Variants in PPFIA1 observed in about 807,000 individuals in gnomAD.
The protein encoded by PPFIA1 is PPFI scaffold protein A1.
In PPFIA1, 25 loss-of-function variants were observed where a neutral mutation model predicts 149.9. The observed-to-expected ratio is 0.17, with a 90% CI of 0.12 to 0.23. The LOEUF is 0.23. PPFIA1 is among the 10% of genes least tolerant of loss of function. PPFIA1 has a pLI of 1.00. For synonymous variants in PPFIA1, 549 were observed against 552.8 expected, an observed-to-expected ratio of 0.99 and a Z score of 0.10; for missense variants, 1,362 against 1,506.5, an observed-to-expected ratio of 0.90 and a Z score of 1.59.
intron 12 of PPFIA1, among the ~76,000 whole-genome samples, chr11:70,337,679 T>G (rs905186048): frequency 6.6e-6 from 1 of 152,260 alleles, no homozygotes; most frequent in Non-Finnish European, 1.5e-5. Context: ...AATATTAGCA[T>G]CAATGACAGT....
chr11:70,327,189 G>A (rs2054350374), intron 7 of PPFIA1: 1 of 208,872 alleles, frequency 4.8e-6, no homozygotes, highest in Admixed American at 5.4e-5. Flanking sequence ...CTTATGTTCA[G>A]ATTGCCTTCT....
intron 19 of PPFIA1, among the ~76,000 whole-genome samples, chr11:70,358,856 G>A (rs548771386): frequency 3.0e-4 from 46 of 152,306 alleles, no homozygotes; most frequent in African/African-American, 9.4e-4. Flanking sequence ...AGAGCCATTC[G>A]TCAGCTTTGA....
chr11:70,368,952 CTT>C (rs35915106), intron 21 of PPFIA1, among the ~76,000 whole-genome samples: 3,257 of 138,276 alleles, frequency 0.024, 46 homozygotes, highest in African/African-American at 0.043. Flanking sequence ...CACAGTCAGT[CTT>C]TTTTTTTTTT....
chr11:70,335,557 C>CT lies in PPFIA1; in HGVS notation c.1297-3dup. On this transcript the variant is annotated splice_region_variant and splice_polypyrimidine_tract_variant and intron_variant, in intron 10 of 27. Transcript: ENST00000253925. Reference sequence around the variant, plus strand: ...GGTTTATAAGACTTTGTTTCTCCTGCTTTAGGCAAGGCAAAGAGAAAAAAT... The same window carrying CT: ...GGTTTATAAGACTTTGTTTCTCCTGCTTTTAGGCAAGGCAAAGAGAAAAAAT... 6.2e-7 allele frequency: 1 copy of CT among 1,613,200 alleles called. No homozygotes were observed. Among genetic ancestry groups the CT allele is most frequent in the East Asian group, 2.2e-5 (1 of 44,878 alleles).
intron 2 of PPFIA1, among the ~76,000 whole-genome samples, chr11:70,305,792 C>T (rs554877228): frequency 2.6e-5 from 4 of 152,266 alleles, no homozygotes; most frequent in South Asian, 2.1e-4. Flanking sequence ...GGGAGGTTCT[C>T]ACTCAAAATT....
chr11:70,328,708 C>T (rs1045514253), intron 7 of PPFIA1, among the ~76,000 whole-genome samples: 2 of 152,118 alleles, frequency 1.3e-5, no homozygotes, highest in African/African-American at 2.4e-5. Flanking sequence ...GGAAAACATT[C>T]CTTTTTCTCC....
intron 2 of PPFIA1, among the ~76,000 whole-genome samples, chr11:70,299,670 G>A (rs1198954152): frequency 2.0e-5 from 3 of 152,140 alleles, no homozygotes; most frequent in African/African-American, 7.2e-5. Context: ...TCCCTTCCAA[G>A]TCAGCATTGC....
chr11:70,341,479 G>T lies in PPFIA1; in HGVS notation c.1707+2173G>T, dbSNP rs139792248. 4.0e-3 allele frequency among the ~76,000 whole-genome samples: 606 copies of T among 152,198 alleles called. 17 individuals are homozygous for T. The highest frequency in any genetic ancestry group is 0.033 in the Admixed American group (497 of 15,288). ...GATGGAGTCTGTTTTTTGAGATGAG[G>T]AAGACACTGGCTTAGAGGAGACTAG... On this transcript the variant is annotated intron_variant, in intron 14 of 27. Transcript: ENST00000253925.
Position 70,326,627 on chromosome 11 carries a change from G to A in PPFIA1, c.739G>A (p.Glu247Lys), listed in dbSNP as rs768050412. Residue 247 changes from glutamate to lysine, a missense_variant, in exon 7 of 28, where the codon GAA (glutamate) becomes AAA (lysine). Glu to Lys is a moderately conservative substitution (Grantham distance 56, BLOSUM62 1). Transcript: ENST00000253925. ...RSSDGSLSHEEDLAKVIELQE... is the reference protein window; with the variant it reads ...RSSDGSLSHEKDLAKVIELQE... ...TTCTGATGGTTCTTTAAGCCACGAG[G>A]AAGACCTTGCTAAAGTAATTGAGCT... The A allele has an allele frequency of 1.2e-6, 2 of 1,614,084 alleles. No individual in the cohort carries two copies. The highest frequency in any genetic ancestry group is 4.5e-5 in the East Asian group (2 of 44,874).
intron 21 of PPFIA1, chr11:70,365,565 A>C: frequency 2.6e-6 from 1 of 379,320 alleles, no homozygotes; most frequent in Non-Finnish European, 5.2e-6. Flanking sequence ...TATTTCCTTT[A>C]GTTATTAGTT....
chr11:70,322,623 T>C (rs1327299625), intron 2 of PPFIA1, among the ~76,000 whole-genome samples: 4 of 152,250 alleles, frequency 2.6e-5, no homozygotes, highest in African/African-American at 7.2e-5. Context: ...AAGTATGCAC[T>C]GAAATACTGA....
At chr11:70,328,841 C>A (rs1054698129) in intron 7 of PPFIA1, among the ~76,000 whole-genome samples, 2 of 152,130 alleles carry the variant, frequency 1.3e-5, no homozygotes, top group Admixed American at 6.5e-5. Context: ...GAGCTTTTTT[C>A]CCCTATCACT....
In PPFIA1 at chr11:70,372,065, A is replaced by G. The variant is rs924561716; in HGVS notation, c.2866-150A>G. On this transcript the variant is annotated intron_variant, in intron 21 of 27. Coordinates refer to ENST00000253925, the MANE Select transcript of PPFIA1 (RefSeq NM_003626.5). The stretch of plus-strand genomic sequence containing the variant: ...ATTTTACTAACAAATTTAAAAGGTG[A>G]GAAGAGATCAAATTATTTTGCAATT... 4.9e-6 allele frequency: 3 copies of G among 612,948 alleles called. No individual in the cohort carries two copies. The Admixed American group carries it at 1.1e-4, about 22-fold the overall frequency. 38.0% of individuals were successfully genotyped at this position (612,948 alleles called of 1,614,324 possible). A position where few individuals can be genotyped will look rare whatever the true frequency, so the allele number is the denominator to read the frequency against.
In PPFIA1 at chr11:70,286,831, A is replaced by G. The variant is rs533345822; in HGVS notation, c.264+14395A>G. On this transcript the variant is annotated intron_variant, in intron 2 of 27. Transcript: ENST00000253925. ...GAGTGCAGTGGTGTGATCGGGCTCAAGCAATGCTCCTACCTCAGCCTTCTA... is the reference window on the plus strand; with the variant it reads ...GAGTGCAGTGGTGTGATCGGGCTCAGGCAATGCTCCTACCTCAGCCTTCTA... Among the ~76,000 whole-genome samples, 4 of 149,430 alleles carry G rather than the reference A, an allele frequency of 2.7e-5. No homozygotes were observed. In the South Asian group the frequency reaches 8.5e-4, roughly 32 times the overall value.
intron 26 of PPFIA1, among the ~76,000 whole-genome samples, chr11:70,380,236 G>A (rs942398931): frequency 6.7e-6 from 1 of 149,962 alleles, no homozygotes; most frequent in Non-Finnish European, 1.5e-5. Context: ...GGTGAGACCA[G>A]CCTGGCCAAC....
chr11:70,354,270 T>TAA (rs1377356707), intron 16 of PPFIA1, 31 bp from the exon 17 acceptor site: 1 of 1,589,608 alleles, frequency 6.3e-7, no homozygotes, highest in Non-Finnish European at 8.6e-7. Flanking sequence ...AGTCTGCTGT[T>TAA]AACTAACTTT....
intron 26 of PPFIA1, 141 bp from the exon 27 acceptor site, chr11:70,381,947 C>T: frequency 1.5e-6 from 1 of 664,852 alleles, no homozygotes; most frequent in East Asian, 2.8e-5. Context: ...TCCATCCCGC[C>T]CACTCAGGCA....
At chr11:70,376,489 A>G (rs1319227820) in intron 24 of PPFIA1, 43 bp from the exon 25 acceptor site, 1 of 1,535,008 alleles carries the variant, frequency 6.5e-7, no homozygotes. Context: ...CCTTCAAATT[A>G]GATTTGATGA....
chr11:70,383,513 C>A lies in PPFIA1; in HGVS notation c.*523C>A, dbSNP rs749536927. 1 of 156,322 alleles carries A rather than the reference C, an allele frequency of 6.4e-6. No individual in the cohort carries two copies. Among genetic ancestry groups the A allele is most frequent in the Admixed American group, 6.5e-5 (1 of 15,304 alleles). 9.7% of individuals were successfully genotyped at this position (156,322 alleles called of 1,614,324 possible). On this transcript the variant is annotated 3_prime_UTR_variant, in exon 28 of 28. Transcript: ENST00000253925. ...CAGCAATCATCCTGAAATAAGCATA[C>A]CTAATTTCAAGCAATTGTTGTATTT...
Sources: allele counts gnomAD v4.1 joint callset (sites outside exome capture counted in the v4.1 genomes callset), GRCh38; gene constraint gnomAD v4.1.1; transcripts MANE v1.5; gene names NCBI Gene and HGNC (gene_info 2026-07-23, HGNC 2026-07-21).